BMPR1B: variants seen among roughly 807,000 people sequenced by gnomAD.
BMPR1B encodes the protein bone morphogenetic protein receptor type-1B.
In BMPR1B, 12 loss-of-function variants were observed where a neutral mutation model predicts 59.1. The ratio of observed to expected loss-of-function variants is 0.20; its 90% CI spans 0.13 to 0.33. The LOEUF (loss-of-function observed/expected upper bound fraction) is 0.33, where lower values mean the gene tolerates loss of function less well. Ranked by LOEUF, BMPR1B falls within the 10% of genes least tolerant of loss-of-function variation. The pLI is 1.00. For missense variants in BMPR1B, 550 were observed against 610.9 expected, an observed-to-expected ratio of 0.90 and a Z score of 1.05; for synonymous variants, 237 against 207.3, an observed-to-expected ratio of 1.14 and a Z score of -1.23.
intron 8 of BMPR1B, among the ~76,000 whole-genome samples, chr4:95,128,712 T>TA (rs1733082335): frequency 6.6e-6 from 1 of 152,204 alleles, no homozygotes; most frequent in African/African-American, 2.4e-5. Context: ...TTGCATTTTT[T>TA]ATTGTGACAA....
intron 1 of BMPR1B, among the ~76,000 whole-genome samples, chr4:94,769,719 A>G (rs1269223411): frequency 6.6e-6 from 1 of 152,206 alleles, no homozygotes; most frequent in African/African-American, 2.4e-5. Flanking sequence ...CATTTATGAA[A>G]TGTGAAGTTG....
intron 3 of BMPR1B, among the ~76,000 whole-genome samples, chr4:94,998,069 G>A (rs1722182510): frequency 6.6e-6 from 1 of 152,114 alleles, no homozygotes; most frequent in African/African-American, 2.4e-5. Context: ...GACACTGGTT[G>A]ATAATGTCTA....
At chr4:94,804,722 T>C (rs1298924790) in intron 1 of BMPR1B, among the ~76,000 whole-genome samples, 1 of 152,094 alleles carries the variant, frequency 6.6e-6, no homozygotes, top group East Asian at 1.9e-4. Flanking sequence ...AATCATTTTC[T>C]TTGGGAACTA....
At chr4:94,842,288 A>G (rs1016804637) in intron 1 of BMPR1B, among the ~76,000 whole-genome samples, 29 of 152,300 alleles carry the variant, frequency 1.9e-4, no homozygotes, top group East Asian at 3.9e-4. Flanking sequence ...ATACCAGGAG[A>G]TAAGTTTAAG....
intron 3 of BMPR1B, among the ~76,000 whole-genome samples, chr4:95,003,229 A>T (rs1722578588): frequency 6.6e-6 from 1 of 152,194 alleles, no homozygotes. Context: ...TCTTAATTTA[A>T]CTGTTAATAC....
Position 95,025,863 on chromosome 4 carries a change from C to T in BMPR1B, c.-18+29729C>T, listed in dbSNP as rs530246544. Reference sequence around the variant, plus strand: ...GTTTATCAAGATAAAGAACATTGTTCAAATTTGTGCTATGACTTGATACAA... The same window carrying T: ...GTTTATCAAGATAAAGAACATTGTTTAAATTTGTGCTATGACTTGATACAA... On this transcript the variant is annotated intron_variant, in intron 3 of 12. Coordinates refer to ENST00000515059, the MANE Select transcript of BMPR1B (RefSeq NM_001203.3). Among the ~76,000 whole-genome samples, 143 of 152,246 alleles carry T rather than the reference C, an allele frequency of 9.4e-4. 1 individual carries two copies. The highest frequency in any genetic ancestry group is 2.2e-4 in the Non-Finnish European group (15 of 68,012).
intron 3 of BMPR1B, among the ~76,000 whole-genome samples, chr4:95,089,306 C>CTATGTTGTTGTTCTT (rs1729813304): frequency 6.6e-6 from 1 of 151,896 alleles, no homozygotes; most frequent in Non-Finnish European, 1.5e-5. Context: ...CAGATACAGG[C>CTATGTTGTTGTTCTT]TTTTTGTTGT....
chr4:95,047,962 C>T (rs899380630), intron 3 of BMPR1B, among the ~76,000 whole-genome samples: 8 of 152,134 alleles, frequency 5.3e-5, no homozygotes, highest in Non-Finnish European at 8.8e-5. Flanking sequence ...TCCTTCCCCA[C>T]TCCAGTAGGC....
chr4:94,775,489 T>C (rs370825790), intron 1 of BMPR1B, among the ~76,000 whole-genome samples: 1 of 152,352 alleles, frequency 6.6e-6, no homozygotes, highest in Admixed American at 6.5e-5. Flanking sequence ...CAATTTAAGA[T>C]ATTTCCATCT....
At chr4:95,002,525 T>C (rs893902681) in intron 3 of BMPR1B, among the ~76,000 whole-genome samples, 17 of 152,244 alleles carry the variant, frequency 1.1e-4, no homozygotes, top group Admixed American at 6.5e-4. Flanking sequence ...ATGGTAGTTC[T>C]GTTTTACATT....
At chr4:94,964,581 C>T (rs1478920141) in intron 2 of BMPR1B, among the ~76,000 whole-genome samples, 1 of 152,092 alleles carries the variant, frequency 6.6e-6, no homozygotes, top group Non-Finnish European at 1.5e-5. Context: ...AATCTTTCTT[C>T]AAATAAATCT....
intron 2 of BMPR1B, among the ~76,000 whole-genome samples, chr4:94,903,935 C>A (rs966715302): frequency 2.6e-5 from 4 of 151,954 alleles, no homozygotes; most frequent in African/African-American, 9.7e-5. Context: ...TTAAGCCATC[C>A]AATGTGTGGT....
chr4:95,098,112 T>C (rs1346957314), intron 3 of BMPR1B, among the ~76,000 whole-genome samples: 2 of 152,166 alleles, frequency 1.3e-5, no homozygotes, highest in African/African-American at 4.8e-5. Flanking sequence ...TACATTCTTA[T>C]ATGTTATTTT....
intron 10 of BMPR1B, among the ~76,000 whole-genome samples, chr4:95,139,969 A>C (rs981143193): frequency 6.6e-6 from 1 of 152,154 alleles, no homozygotes; most frequent in African/African-American, 2.4e-5. Flanking sequence ...AGGTGAGCCC[A>C]GTACCTAAGT....
chr4:95,007,000 C>T (rs528558925), intron 3 of BMPR1B, among the ~76,000 whole-genome samples: 5 of 152,288 alleles, frequency 3.3e-5, no homozygotes, highest in African/African-American at 1.2e-4. Flanking sequence ...AGAGCAGCAA[C>T]TCTATTCCTA....
chr4:94,847,082 G>T (rs1340008832), intron 1 of BMPR1B, among the ~76,000 whole-genome samples: 1 of 152,016 alleles, frequency 6.6e-6, no homozygotes, highest in Non-Finnish European at 1.5e-5. Flanking sequence ...AAATATAAGG[G>T]GCTCAAACAT....
chr4:94,978,613 G>A (rs957335103), intron 2 of BMPR1B, among the ~76,000 whole-genome samples: 3 of 152,166 alleles, frequency 2.0e-5, no homozygotes, highest in African/African-American at 7.2e-5. Context: ...GGTGGTACGA[G>A]CATGGGAAAT....
At chr4:94,877,316 GA>G (rs1429913324) in intron 2 of BMPR1B, among the ~76,000 whole-genome samples, 2 of 152,198 alleles carry the variant, frequency 1.3e-5, no homozygotes, top group African/African-American at 4.8e-5. Context: ...GAGGGGTTTG[GA>G]AAAGGTTTTG....
At chr4:95,008,810 G>A (rs961683146) in intron 3 of BMPR1B, among the ~76,000 whole-genome samples, 1 of 151,954 alleles carries the variant, frequency 6.6e-6, no homozygotes, top group Admixed American at 6.6e-5. Flanking sequence ...ATAAAAATAG[G>A]AATTTCAAAA....
Sources: gnomAD v4.1 joint callset for allele counts (sites outside exome capture counted in the v4.1 genomes callset) on GRCh38, gnomAD v4.1.1 for gene constraint, MANE v1.5 for transcripts, NCBI Gene and HGNC (gene_info 2026-07-23, HGNC 2026-07-21) for gene names.